The following SMNDC1 variants were observed in gnomAD, a reference collection of about 807,000 sequenced individuals.
The protein encoded by SMNDC1 is survival of motor neuron-related-splicing factor 30.
SMNDC1 carries 5 observed loss-of-function variants against 29.2 expected under a neutral mutation model. The ratio of observed to expected loss-of-function variants is 0.17; its 90% CI spans 0.09 to 0.36. The LOEUF is 0.36. SMNDC1 is among the 10% of genes least tolerant of loss of function. The probability of loss-of-function intolerance (pLI) is 1.00; values close to 1 mark genes in which losing one functional copy is unlikely to be tolerated. For synonymous variants in SMNDC1, 80 were observed against 89.9 expected (o/e 0.89, Z 0.62); for missense variants, 142 against 268.5 (o/e 0.53, Z 3.29).
Position 110,294,113 on chromosome 10 carries a change from A to G in SMNDC1, c.*37T>C. ...AATATAAGGATAAAAAGGTAAATGT[A>G]AAGCCCTGCAGAGATGAAATCCAAC... On this transcript the variant is annotated 3_prime_UTR_variant, in exon 6 of 6. Transcript: ENST00000369603. 6.8e-7 allele frequency: 1 copy of G among 1,468,922 alleles called. No homozygotes were observed. The highest frequency in any genetic ancestry group is 9.0e-7 in the Non-Finnish European group (1 of 1,107,578). The allele number at this position is 1,468,922 out of a possible 1,614,324, so 91.0% of individuals were successfully genotyped here. A position where few individuals can be genotyped will look rare whatever the true frequency, so the allele number is the denominator to read the frequency against.
At chr10:110,302,329 A>G (rs1222979445) in intron 2 of SMNDC1, among the ~76,000 whole-genome samples, 2 of 152,352 alleles carry the variant, frequency 1.3e-5, no homozygotes, top group African/African-American at 2.4e-5. Flanking sequence ...CCTGGCTTCT[A>G]CGTATCGAAG....
At position 110,298,755 on chromosome 10, in the gene SMNDC1, A is replaced by T; in HGVS notation, c.156T>A (p.Thr52=). The T allele has an allele frequency of 6.2e-7, 1 of 1,613,720 alleles. No individual in the cohort carries two copies. Among genetic ancestry groups the T allele is most frequent in the Non-Finnish European group, 8.5e-7 (1 of 1,179,756 alleles). The change falls in exon 3 of 6, where the codon ACT becomes ACA. Residue 52 remains threonine, a synonymous_variant. Coordinates refer to ENST00000369603, the MANE Select transcript of SMNDC1 (RefSeq NM_005871.4). ...AACTTGCAAGCGTCTCAGAAGGTTG[A>T]GTTGACAGAAGGTCTTTGGTTAGTT... ...VIELTKDLLS[T]QPSETLASSD...
At chr10:110,300,719 C>T (rs1564734504) in intron 2 of SMNDC1, 1 of 985,338 alleles carries the variant, frequency 1.0e-6, no homozygotes, top group Non-Finnish European at 1.2e-6. Flanking sequence ...GAAGGCGTTT[C>T]GGGGATGCAG....
intron 2 of SMNDC1, among the ~76,000 whole-genome samples, chr10:110,302,462 G>A (rs979232104): frequency 5.3e-5 from 8 of 152,132 alleles, no homozygotes; most frequent in African/African-American, 1.7e-4. Context: ...ATTACGCCCA[G>A]ATAAGCAGTT....
intron 2 of SMNDC1, among the ~76,000 whole-genome samples, chr10:110,301,996 C>A (rs1857657427): frequency 6.6e-6 from 1 of 152,174 alleles, no homozygotes; most frequent in Non-Finnish European, 1.5e-5. Flanking sequence ...TCAACAAATA[C>A]CCCTCCTCCC....
intron 4 of SMNDC1, among the ~76,000 whole-genome samples, chr10:110,296,157 T>C (rs1857559668): frequency 1.3e-5 from 2 of 152,206 alleles, no homozygotes; most frequent in South Asian, 4.1e-4. Context: ...ATGGAAATCA[T>C]AGCTAATAAT....
chr10:110,296,812 T>G (rs536857412), intron 4 of SMNDC1, among the ~76,000 whole-genome samples: 1 of 152,254 alleles, frequency 6.6e-6, no homozygotes, highest in South Asian at 2.1e-4. Context: ...GGCCCCAAGT[T>G]TTTACCACAG....
Position 110,294,135 on chromosome 10 carries a change from C to T in SMNDC1, c.*15G>A, listed in dbSNP as rs767366035. The T allele has an allele frequency of 2.6e-6, 4 of 1,556,702 alleles. No homozygotes were observed. Among genetic ancestry groups the T allele is most frequent in the Non-Finnish European group, 3.5e-6 (4 of 1,157,294 alleles). ...TGTAAAGCCCTGCAGAGATGAAATC[C>T]AACAGTTTTTCTGATTATTGAGGCA... On this transcript the variant is annotated 3_prime_UTR_variant, in exon 6 of 6. Transcript: ENST00000369603.
intron 4 of SMNDC1, 62 bp downstream of exon 4, chr10:110,297,505 A>T (rs1248820026): frequency 1.4e-6 from 2 of 1,465,752 alleles, no homozygotes; most frequent in Non-Finnish European, 1.9e-6. Flanking sequence ...CTCTCTGCAG[A>T]CTACTTCAAG....
intron 2 of SMNDC1, among the ~76,000 whole-genome samples, chr10:110,299,629 C>T (rs1857616536): frequency 6.6e-6 from 1 of 152,232 alleles, no homozygotes; most frequent in Admixed American, 6.5e-5. Flanking sequence ...CCACACTATG[C>T]ATCTTATCTG....
chr10:110,301,944 G>A (rs1477467544), intron 2 of SMNDC1, among the ~76,000 whole-genome samples: 1 of 152,138 alleles, frequency 6.6e-6, no homozygotes, highest in Non-Finnish European at 1.5e-5. Context: ...TGATGATAAT[G>A]CTATTTCTAA....
At chr10:110,298,357 T>C (rs1397410535) in intron 3 of SMNDC1, among the ~76,000 whole-genome samples, 1 of 152,138 alleles carries the variant, frequency 6.6e-6, no homozygotes, top group East Asian at 1.9e-4. Flanking sequence ...AACCAACCAT[T>C]CACTCAATTT....
At chr10:110,294,323 T>C (rs971489970) in intron 5 of SMNDC1, 36 bp from the exon 6 acceptor site, 1 of 1,523,666 alleles carries the variant, frequency 6.6e-7, no homozygotes. Flanking sequence ...TCCTGATTAG[T>C]GTTGGAAAAA....
Position 110,297,623 on chromosome 10 carries a change from C to G in SMNDC1, c.369G>C (p.Lys123Asn), listed in dbSNP as rs1284001708. Residue 123 changes from lysine (K) to asparagine (N), a missense_variant, in exon 4 of 6, where the codon AAG becomes AAC. Transcript: ENST00000369603. ...TTGCCTTCCTTCCTTCTTCTACAGGCTTGAGGTTCAACAGTGGAGTCACTT... is the reference window on the plus strand; with the variant it reads ...TTGCCTTCCTTCCTTCTTCTACAGGGTTGAGGTTCAACAGTGGAGTCACTT... ...NAEVTPLLNL[K>N]PVEEGRKAKE... 3.1e-6 allele frequency: 5 copies of G among 1,613,886 alleles called. No homozygotes were observed. In the African/African-American group the frequency reaches 4.0e-5, roughly 13 times the overall value.
Position 110,298,628 on chromosome 10 carries a change from G to GTTT in SMNDC1, c.263+17_263+19dup. 6.5e-7 allele frequency: 1 copy of GTTT among 1,542,634 alleles called. No homozygotes were observed. The highest frequency in any genetic ancestry group is 1.9e-5 in the Admixed American group (1 of 52,684). ...TTTATTATTTCATGTTATAGTTAGAGTTTTTTTTTCTACACTTACTGTCCA... is the reference window on the plus strand; with the variant it reads ...TTTATTATTTCATGTTATAGTTAGAGTTTTTTTTTTTTCTACACTTACTGTCCA... On this transcript the variant is annotated intron_variant, in intron 3 of 5. Transcript: ENST00000369603.
intron 5 of SMNDC1, 128 bp downstream of exon 5, chr10:110,295,100 C>T: frequency 1.3e-6 from 1 of 776,616 alleles, no homozygotes; most frequent in Non-Finnish European, 2.0e-6. Flanking sequence ...TGAGCATCAA[C>T]AAGGATTCGG....
rs1857540340 is a variant in SMNDC1 at position 110,294,596 on chromosome 10, GATT to G, written c.580-312_580-310del. ...AGCTGTGAGCTAGCCATTCTAGCAT[GATT>G]AAAGCTCTGGCTGTATTGTGGTTTA... On this transcript the variant is annotated intron_variant, in intron 5 of 5. Coordinates refer to ENST00000369603, the MANE Select transcript of SMNDC1 (RefSeq NM_005871.4). Among the ~76,000 whole-genome samples the G allele has an allele frequency of 2.6e-5, 4 of 152,308 alleles. No individual in the cohort carries two copies. In the South Asian group the frequency reaches 8.3e-4, roughly 32 times the overall value.
In SMNDC1 at chr10:110,291,256, C is replaced by A. The variant is rs541834368; in HGVS notation, c.*2894G>T. 1.6e-4 allele frequency: 25 copies of A among 152,118 alleles called. No individual in the cohort carries two copies. The East Asian group carries it at 4.4e-3, about 27-fold the overall frequency. 9.4% of individuals were successfully genotyped at this position (152,118 alleles called of 1,614,324 possible). A position where few individuals can be genotyped will look rare whatever the true frequency, so the allele number is the denominator to read the frequency against. ...AAGTCTAAGGTTGGTCCCAGGCCCA[C>A]AAATTCCTCTTTAATTTTAAACAAG... On this transcript the variant is annotated 3_prime_UTR_variant, in exon 6 of 6. Coordinates refer to ENST00000369603, the MANE Select transcript of SMNDC1 (RefSeq NM_005871.4).
At chr10:110,303,626 C>A (rs1177386522) in intron 1 of SMNDC1, 39 bp from the exon 2 acceptor site, 8 of 1,535,852 alleles carry the variant, frequency 5.2e-6, no homozygotes, top group Non-Finnish European at 6.9e-6. Context: ...GAAAACTAAA[C>A]CAAAAATCAA....
Sources: gnomAD v4.1 joint callset for allele counts (sites outside exome capture counted in the v4.1 genomes callset) on GRCh38, gnomAD v4.1.1 for gene constraint, MANE v1.5 for transcripts, NCBI Gene and HGNC (gene_info 2026-07-23, HGNC 2026-07-21) for gene names.